Variants in ANKRD28 observed in about 807,000 individuals in gnomAD.
ANKRD28 encodes the protein ankyrin repeat domain 28.
Under a neutral mutation model 126.5 loss-of-function variants are expected in ANKRD28, and 44 were observed. That is an observed-to-expected ratio of 0.35 (90% CI 0.27 to 0.45). ANKRD28 has a LOEUF of 0.45. ANKRD28 is among the 20% of genes least tolerant of loss of function. The pLI is 1.00. For missense variants in ANKRD28, 1,110 were observed against 1,316.6 expected, an observed-to-expected ratio of 0.84 and a Z score of 2.43; for synonymous variants, 442 against 468.5, an observed-to-expected ratio of 0.94 and a Z score of 0.73.
At chr3:15,776,073 C>G (rs2059252408) in intron 2 of ANKRD28, among the ~76,000 whole-genome samples, 1 of 152,142 alleles carries the variant, frequency 6.6e-6, no homozygotes, top group Non-Finnish European at 1.5e-5. Context: ...CCAGAAATTA[C>G]AAGGGTTTTT....
intron 1 of ANKRD28, among the ~76,000 whole-genome samples, chr3:15,850,193 A>T (rs1247783015): frequency 3.6e-4 from 14 of 39,428 alleles, no homozygotes; most frequent in African/African-American, 1.1e-3. Flanking sequence ...CATGCAATAA[A>T]AAAAAAAAAA....
intron 3 of ANKRD28, among the ~76,000 whole-genome samples, chr3:15,756,921 T>C (rs917631997): frequency 2.0e-5 from 3 of 152,218 alleles, no homozygotes; most frequent in Non-Finnish European, 4.4e-5. Context: ...TCTTTGATTT[T>C]TGAACCTCAA....
chr3:15,741,272 G>T (rs192972251), intron 4 of ANKRD28, among the ~76,000 whole-genome samples: 364 of 152,084 alleles, frequency 2.4e-3, no homozygotes, highest in Non-Finnish European at 3.7e-3. Context: ...AGAGAAAACT[G>T]AAGAAAATCC....
Position 15,795,274 on chromosome 3 carries a change from A to G in ANKRD28, c.150T>C (p.Asp50=), listed in dbSNP as rs1160743881. The G allele has an allele frequency of 6.2e-7, 1 of 1,612,898 alleles. No homozygotes were observed. The highest frequency in any genetic ancestry group is 1.1e-5 in the South Asian group (1 of 91,052). ...ATATTAGTGCTCGAACTTCATCAGG[A>G]TCTCCGTTAAATATAGCTTGCACCA... The part of the protein sequence containing the change: ...PSLVQAIFNG[D]PDEVRALIFK... The change falls in exon 2 of 28, where the codon GAT becomes GAC. Residue 50 remains aspartate, a synonymous_variant. Transcript: ENST00000683139.
At chr3:15,720,796 G>T (rs2073646410) in intron 8 of ANKRD28, 119 bp downstream of exon 8, 2 of 911,114 alleles carry the variant, frequency 2.2e-6, no homozygotes, top group Non-Finnish European at 3.3e-6. Context: ...ATATTTTAAA[G>T]ATTTATCCAT....
chr3:15,695,161 G>A (rs2125879910), intron 16 of ANKRD28, 27 bp downstream of exon 16: 2 of 1,570,818 alleles, frequency 1.3e-6, no homozygotes, highest in East Asian at 4.5e-5. Flanking sequence ...AATACTAATT[G>A]GTGGGAGGGA....
intron 27 of ANKRD28, among the ~76,000 whole-genome samples, chr3:15,673,981 G>C (rs1349152101): frequency 6.6e-6 from 1 of 151,608 alleles, no homozygotes; most frequent in Non-Finnish European, 1.5e-5. Flanking sequence ...TTCAAGACCG[G>C]CCTGGACAAT....
intron 2 of ANKRD28, among the ~76,000 whole-genome samples, chr3:15,774,676 A>G (rs965503567): frequency 3.9e-5 from 6 of 152,294 alleles, no homozygotes; most frequent in South Asian, 4.1e-4. Context: ...TATTTTTAAA[A>G]AACTGAAAAA....
At position 15,721,140 on chromosome 3, in the gene ANKRD28, A is replaced by G. The variant is rs770131359; in HGVS notation, c.784-13T>C. On this transcript the variant is annotated splice_polypyrimidine_tract_variant and intron_variant, in intron 7 of 27. Coordinates refer to ENST00000683139, the MANE Select transcript of ANKRD28 (RefSeq NM_001349278.2). ...TTGGTTCATTCATCTATTAGAAGGG[A>G]AAAAAATGCGAATGTTAAAGTAGTT... The G allele has an allele frequency of 5.0e-5, 80 of 1,588,886 alleles. No individual in the cohort carries two copies. Among genetic ancestry groups the G allele is most frequent in the Non-Finnish European group, 6.6e-5 (77 of 1,166,384 alleles).
At chr3:15,678,615 T>G (rs7612295) in intron 23 of ANKRD28, among the ~76,000 whole-genome samples, 26,629 of 152,126 alleles carry the variant, frequency 0.18, 3,567 homozygotes, top group East Asian at 0.56. Flanking sequence ...AAAATAACAT[T>G]ACATCATTAA....
intron 4 of ANKRD28, among the ~76,000 whole-genome samples, chr3:15,742,513 A>C (rs1157583148): frequency 1.4e-4 from 14 of 103,406 alleles, no homozygotes; most frequent in South Asian, 3.9e-4. Context: ...ACCGCCCCAT[A>C]TGAGAAGTGA....
At chr3:15,720,197 T>C (rs1485298703) in intron 8 of ANKRD28, among the ~76,000 whole-genome samples, 1 of 151,876 alleles carries the variant, frequency 6.6e-6, no homozygotes, top group African/African-American at 2.4e-5. Context: ...TCCAAATGCT[T>C]ACTCTTGAAA....
chr3:15,763,821 A>T (rs569226389), intron 3 of ANKRD28, among the ~76,000 whole-genome samples: 2 of 151,726 alleles, frequency 1.3e-5, no homozygotes, highest in Admixed American at 6.6e-5. Flanking sequence ...TAAAAACTTA[A>T]TTTTTTTTTA....
At position 15,721,046 on chromosome 3, in the gene ANKRD28, T is replaced by C. The variant is rs763761780; in HGVS notation, c.865A>G (p.Ile289Val). 9.3e-6 allele frequency: 15 copies of C among 1,613,784 alleles called. No homozygotes were observed. The highest frequency in any genetic ancestry group is 1.6e-4 in the Middle Eastern group (1 of 6,082). Residue 289 changes from isoleucine (I) to valine (V), a missense_variant, in exon 8 of 28, where the codon ATA (isoleucine) becomes GTA (valine). Transcript: ENST00000683139. ...TGATTCACAATAGCACCACAGTCTA[T>C]AAGTTCATTCACTACAACATCTTGT... The part of the protein sequence containing the change: ...NGQDVVVNEL[I>V]DCGAIVNQKN...
chr3:15,712,209 C>T lies in ANKRD28; in HGVS notation c.1204G>A (p.Gly402Arg), dbSNP rs780621774. Residue 402 changes from glycine to arginine, a missense_variant, in exon 11 of 28, where the codon GGA becomes AGA. By Grantham distance (125) the Gly-to-Arg change is moderately radical (BLOSUM62 -2). Coordinates refer to ENST00000683139, the MANE Select transcript of ANKRD28 (RefSeq NM_001349278.2). Reference protein sequence around the residue: ...GADTAKRGIHGMFPLHLAALS... With the variant: ...GADTAKRGIHRMFPLHLAALS... ...GCTGCCAAATGGAGGGGGAACATTCCATGTATGCCACGCCTAAAGTTAATA... is the reference window on the plus strand; with the variant it reads ...GCTGCCAAATGGAGGGGGAACATTCTATGTATGCCACGCCTAAAGTTAATA... 1 of 1,581,270 alleles carries T rather than the reference C, an allele frequency of 6.3e-7. No individual in the cohort carries two copies. The highest frequency in any genetic ancestry group is 2.3e-5 in the East Asian group (1 of 43,428).
In ANKRD28 at chr3:15,685,390, C is replaced by T. The variant is rs1381238278; in HGVS notation, c.2225G>A (p.Cys742Tyr). ...VDALLQHGAK[C>Y]LLRDSRGRTP... ...CCGGCCCCTGCTATCCCGAAGTAAGCACTTAGCACCATGTTGAAGTAATGC... is the reference window on the plus strand; with the variant it reads ...CCGGCCCCTGCTATCCCGAAGTAAGTACTTAGCACCATGTTGAAGTAATGC... Residue 742 changes from cysteine to tyrosine, a missense_variant, in exon 21 of 28, where the codon TGC becomes TAC. Transcript: ENST00000683139. 6.2e-7 allele frequency: 1 copy of T among 1,613,624 alleles called. No homozygotes were observed. The highest frequency in any genetic ancestry group is 1.7e-5 in the Admixed American group (1 of 59,998).
At chr3:15,810,273 G>GA (rs953638649) in intron 1 of ANKRD28, among the ~76,000 whole-genome samples, 198 of 139,564 alleles carry the variant, frequency 1.4e-3, no homozygotes, top group East Asian at 4.5e-3. Context: ...TTCTCTGGGA[G>GA]AAAAAAAAAA....
At chr3:15,855,181 C>T (rs2126005407) in intron 1 of ANKRD28, among the ~76,000 whole-genome samples, 1 of 152,246 alleles carries the variant, frequency 6.6e-6, no homozygotes, top group Admixed American at 6.5e-5. Context: ...TTCCCAAGAA[C>T]CGTCATTTTT....
chr3:15,758,922 G>A (rs1356449327), intron 3 of ANKRD28, among the ~76,000 whole-genome samples: 3 of 152,148 alleles, frequency 2.0e-5, no homozygotes, highest in African/African-American at 7.2e-5. Flanking sequence ...ATGAATTTTT[G>A]ACAAATGCCT....
Sources: allele counts gnomAD v4.1 joint callset (sites outside exome capture counted in the v4.1 genomes callset), GRCh38; gene constraint gnomAD v4.1.1; transcripts MANE v1.5; gene names NCBI Gene and HGNC (gene_info 2026-07-23, HGNC 2026-07-21).